Variants in PRKCE observed in about 807,000 individuals in gnomAD.
PRKCE encodes the protein protein kinase C epsilon type.
A neutral mutation model predicts 85.4 loss-of-function variants in PRKCE; 16 were observed. That is an observed-to-expected ratio of 0.19 (90% confidence interval 0.13 to 0.28). PRKCE has a LOEUF of 0.28. PRKCE is among the 10% of genes least tolerant of loss of function. PRKCE has a pLI of 1.00. For synonymous variants in PRKCE, 388 were observed against 371.5 expected (o/e 1.04, Z -0.51); for missense variants, 573 against 975.2 (o/e 0.59, Z 5.49).
chr2:45,764,910 G>A (rs1684791207), intron 1 of PRKCE, among the ~76,000 whole-genome samples: 1 of 152,084 alleles, frequency 6.6e-6, no homozygotes. Context: ...GGTCCTACTT[G>A]AATGCCTTAG....
At chr2:46,132,355 T>C (rs1326806314) in intron 11 of PRKCE, among the ~76,000 whole-genome samples, 3 of 152,204 alleles carry the variant, frequency 2.0e-5, no homozygotes, top group African/African-American at 7.2e-5. Flanking sequence ...CTAGTCAGCA[T>C]GTCCAGTGAG....
chr2:45,781,621 T>C (rs905011947), intron 1 of PRKCE, among the ~76,000 whole-genome samples: 1 of 152,214 alleles, frequency 6.6e-6, no homozygotes, highest in African/African-American at 2.4e-5. Context: ...CAGCAGCTGA[T>C]GCAGGGCCTC....
chr2:45,957,811 T>C (rs1397596099), intron 2 of PRKCE, among the ~76,000 whole-genome samples: 2 of 151,170 alleles, frequency 1.3e-5, no homozygotes, highest in Non-Finnish European at 1.5e-5. Context: ...ACTTGGGAGG[T>C]TGAGGTGGAA....
chr2:45,724,423 A>G (rs1196118998), intron 1 of PRKCE, among the ~76,000 whole-genome samples: 3 of 152,168 alleles, frequency 2.0e-5, no homozygotes, highest in African/African-American at 7.2e-5. Context: ...AGACAAAATG[A>G]TATTGAAATC....
chr2:45,928,777 C>CA (rs1553451703), intron 2 of PRKCE, among the ~76,000 whole-genome samples: 4 of 151,594 alleles, frequency 2.6e-5, no homozygotes, highest in African/African-American at 9.7e-5. Flanking sequence ...TGTGGATGGA[C>CA]TTTTTTTTTC....
rs1401178825 is a variant in PRKCE at position 45,884,988 on chromosome 2, TATATATA to T, written c.412+41926_412+41932del. On this transcript the variant is annotated intron_variant, in intron 2 of 14. Transcript: ENST00000306156. ...ATATATATATATATATATATATATA[TATATATA>T]TATATATTTGTTGTTGTTGTTGTTG... is the stretch of plus-strand genomic sequence containing the variant. Among the ~76,000 whole-genome samples the T allele has an allele frequency of 4.9e-3, 337 of 68,564 alleles. 15 individuals are homozygous for T. The highest frequency in any genetic ancestry group is 0.011 in the Admixed American group (59 of 5,256). 45.0% of individuals were successfully genotyped at this position (68,564 alleles called of 152,430 possible).
At chr2:45,961,236 T>TCC (rs35793151) in intron 2 of PRKCE, among the ~76,000 whole-genome samples, 12 of 150,780 alleles carry the variant, frequency 8.0e-5, no homozygotes, top group Non-Finnish European at 1.3e-4. Flanking sequence ...CTACCTCCTT[T>TCC]CCCCCCCCGA....
At chr2:46,131,879 C>T (rs1206588401) in intron 11 of PRKCE, among the ~76,000 whole-genome samples, 1 of 152,166 alleles carries the variant, frequency 6.6e-6, no homozygotes, top group East Asian at 1.9e-4. Flanking sequence ...TTTACAGTTA[C>T]TTTCTTTACT....
At chr2:45,753,517 C>T (rs1484316965) in intron 1 of PRKCE, among the ~76,000 whole-genome samples, 3 of 152,134 alleles carry the variant, frequency 2.0e-5, no homozygotes, top group African/African-American at 7.2e-5. Context: ...ATAATTATGA[C>T]CATTCATTAT....
At chr2:45,736,523 C>T (rs1247261780) in intron 1 of PRKCE, among the ~76,000 whole-genome samples, 2 of 152,226 alleles carry the variant, frequency 1.3e-5, no homozygotes, top group Non-Finnish European at 2.9e-5. Context: ...GCAGTCACCT[C>T]TTCCAGGAAG....
At chr2:45,850,247 C>T (rs1013285233) in intron 2 of PRKCE, among the ~76,000 whole-genome samples, 2 of 152,118 alleles carry the variant, frequency 1.3e-5, no homozygotes, top group African/African-American at 4.8e-5. Context: ...GACTGGTGTG[C>T]CTGTCTTACC....
At chr2:45,744,431 T>A (rs1682877106) in intron 1 of PRKCE, among the ~76,000 whole-genome samples, 1 of 37,668 alleles carries the variant, frequency 2.7e-5, no homozygotes, top group Non-Finnish European at 5.0e-5. Context: ...CTTTCTTTCT[T>A]TCTTTCTTTC....
chr2:46,146,381 T>C (rs1676072571), intron 12 of PRKCE, among the ~76,000 whole-genome samples: 3 of 152,238 alleles, frequency 2.0e-5, no homozygotes, highest in Non-Finnish European at 4.4e-5. Context: ...CAAAGCAATG[T>C]GGAGATAAAG....
At chr2:45,917,149 C>T (rs1009563364) in intron 2 of PRKCE, among the ~76,000 whole-genome samples, 3 of 152,212 alleles carry the variant, frequency 2.0e-5, no homozygotes, top group African/African-American at 7.2e-5. Flanking sequence ...TCTGTTTTGA[C>T]AGGGCGCTGA....
chr2:46,092,927 T>G (rs1670323107), intron 11 of PRKCE, among the ~76,000 whole-genome samples: 1 of 152,078 alleles, frequency 6.6e-6, no homozygotes, highest in Non-Finnish European at 1.5e-5. Context: ...ACGTGTAGTC[T>G]CATCCTCTTT....
At chr2:45,874,196 A>C (rs1029098274) in intron 2 of PRKCE, among the ~76,000 whole-genome samples, 1 of 152,106 alleles carries the variant, frequency 6.6e-6, no homozygotes. Context: ...TCTCTCACAC[A>C]CTCAATCAGA....
intron 1 of PRKCE, among the ~76,000 whole-genome samples, chr2:45,814,644 C>T (rs1304698262): frequency 2.0e-5 from 3 of 152,234 alleles, no homozygotes; most frequent in African/African-American, 7.2e-5. Context: ...CACCAATTCT[C>T]CTGGGGTCTG....
chr2:45,724,368 A>C (rs1323904150), intron 1 of PRKCE, among the ~76,000 whole-genome samples: 2 of 152,118 alleles, frequency 1.3e-5, no homozygotes, highest in African/African-American at 4.8e-5. Flanking sequence ...CCAACTAGCC[A>C]TTTCCCTGTC....
At chr2:45,940,239 G>A (rs545078250) in intron 2 of PRKCE, among the ~76,000 whole-genome samples, 46 of 152,280 alleles carry the variant, frequency 3.0e-4, no homozygotes, top group Admixed American at 1.0e-3. Context: ...TCTGGTGAGA[G>A]GCCAGATTAG....
Sources: gnomAD v4.1 joint callset for allele counts (sites outside exome capture counted in the v4.1 genomes callset) on GRCh38, gnomAD v4.1.1 for gene constraint, MANE v1.5 for transcripts, NCBI Gene and HGNC (gene_info 2026-07-23, HGNC 2026-07-21) for gene names.